Variants in POU2F3 observed in about 807,000 individuals in gnomAD.
The protein encoded by POU2F3 is POU class 2 homeobox 3, also known as POU domain, class 2, transcription factor 3.
POU2F3 carries 23 observed loss-of-function variants against 59.2 expected under a neutral mutation model. The observed-to-expected ratio is 0.39, with a 90% CI of 0.28 to 0.55. The LOEUF (loss-of-function observed/expected upper bound fraction) is 0.55. Among genes scored for constraint, POU2F3 ranks in the 20% least tolerant of loss-of-function variants. POU2F3 has a pLI of 0.66. For missense variants in POU2F3, 473 were observed against 544.5 expected, an observed-to-expected ratio of 0.87 and a Z score of 1.31; for synonymous variants, 190 against 214.6, an observed-to-expected ratio of 0.89 and a Z score of 1.00.
chr11:120,239,679 T>C (rs1938585030), upstream of POU2F3, among the ~76,000 whole-genome samples: 1 of 152,212 alleles, frequency 6.6e-6, no homozygotes, highest in Non-Finnish European at 1.5e-5. Context: ...TGTCCTGTTT[T>C]ACAGGTGAGT....
chr11:120,250,471 C>T (rs566446415), intron 2 of POU2F3: 1 of 152,340 alleles, frequency 6.6e-6, no homozygotes, highest in East Asian at 1.9e-4. Flanking sequence ...TTGGCCTTTA[C>T]AACAACTCTA....
intron 3 of POU2F3, among the ~76,000 whole-genome samples, chr11:120,297,901 G>A (rs117482343): frequency 0.021 from 3,225 of 151,006 alleles, 70 homozygotes; most frequent in Non-Finnish European, 0.029. Flanking sequence ...CTCCCAAGTA[G>A]CTGGGACTAT....
chr11:120,246,413 G>C (rs374876725), intron 1 of POU2F3, 36 bp from the exon 2 acceptor site: 35 of 1,607,896 alleles, frequency 2.2e-5, no homozygotes, highest in Non-Finnish European at 2.6e-5. Context: ...GAAAAATTGT[G>C]ACCTGTTATT....
At chr11:120,263,021 T>C (rs1939669981) in intron 2 of POU2F3, among the ~76,000 whole-genome samples, 1 of 151,824 alleles carries the variant, frequency 6.6e-6, no homozygotes, top group South Asian at 2.1e-4. Flanking sequence ...AGATGGAGTC[T>C]CACTCTGTTG....
At chr11:120,275,477 C>T (rs750259153) in intron 3 of POU2F3, among the ~76,000 whole-genome samples, 2 of 152,132 alleles carry the variant, frequency 1.3e-5, no homozygotes, top group Non-Finnish European at 2.9e-5. Context: ...TTGGGGGTTC[C>T]AAAATGACAA....
At chr11:120,266,119 C>A (rs1939818152) in intron 2 of POU2F3, among the ~76,000 whole-genome samples, 1 of 152,184 alleles carries the variant, frequency 6.6e-6, no homozygotes, top group South Asian at 2.1e-4. Flanking sequence ...TCAAACCTTG[C>A]ATGTCGAAAG....
intron 3 of POU2F3, among the ~76,000 whole-genome samples, chr11:120,274,915 G>T (rs904981107): frequency 1.3e-5 from 2 of 152,214 alleles, no homozygotes; most frequent in Non-Finnish European, 2.9e-5. Flanking sequence ...GTTCATGAAG[G>T]TGGGGAAAAC....
chr11:120,256,378 T>A (rs1036037992), intron 2 of POU2F3: 1 of 152,208 alleles, frequency 6.6e-6, no homozygotes, highest in Non-Finnish European at 1.5e-5. Context: ...CAGATGATAA[T>A]GCTATTTGCT....
intron 2 of POU2F3, chr11:120,250,359 C>T (rs1054294332): frequency 6.6e-6 from 1 of 152,212 alleles, no homozygotes; most frequent in Non-Finnish European, 1.5e-5. Flanking sequence ...TGAAGAGCAT[C>T]CCTGTCCTCA....
At chr11:120,277,199 G>A (rs1350786063) in intron 3 of POU2F3, among the ~76,000 whole-genome samples, 1 of 152,050 alleles carries the variant, frequency 6.6e-6, no homozygotes, top group Non-Finnish European at 1.5e-5. Context: ...GCTGAGGCAG[G>A]AAAATCACTT....
chr11:120,313,674 G>A (rs1941711543), intron 10 of POU2F3, among the ~76,000 whole-genome samples: 1 of 152,160 alleles, frequency 6.6e-6, no homozygotes. Context: ...GTCTCCAGAA[G>A]GAAACAAGCT....
intron 2 of POU2F3, among the ~76,000 whole-genome samples, chr11:120,262,971 AT>A (rs1939664570): frequency 1.9e-5 from 2 of 102,780 alleles, no homozygotes; most frequent in East Asian, 0.036. Flanking sequence ...TAATTTATTT[AT>A]TTATTTATTT....
At chr11:120,280,440 C>A (rs1470147727) in intron 3 of POU2F3, among the ~76,000 whole-genome samples, 1 of 152,134 alleles carries the variant, frequency 6.6e-6, no homozygotes, top group Non-Finnish European at 1.5e-5. Context: ...CTTGAGATTA[C>A]CTAATTAATC....
intron 3 of POU2F3, among the ~76,000 whole-genome samples, chr11:120,274,159 A>AAG (rs1940224515): frequency 9.9e-6 from 1 of 100,888 alleles, no homozygotes; most frequent in South Asian, 3.2e-4. Context: ...AAGGAAGGAA[A>AAG]TGCACACAAA....
At chr11:120,306,925 T>C (rs1346167762) in intron 8 of POU2F3, among the ~76,000 whole-genome samples, 1 of 152,224 alleles carries the variant, frequency 6.6e-6, no homozygotes, top group Non-Finnish European at 1.5e-5. Context: ...ATCAGATGCC[T>C]GAATCCTTCC....
intron 5 of POU2F3, 62 bp downstream of exon 5, chr11:120,299,788 T>C: frequency 6.8e-7 from 1 of 1,463,714 alleles, no homozygotes; most frequent in Non-Finnish European, 9.3e-7. Flanking sequence ...TTGCTGCTGT[T>C]TTTTGCTGGG....
intron 2 of POU2F3, among the ~76,000 whole-genome samples, chr11:120,250,638 A>T (rs916682223): frequency 2.6e-5 from 4 of 152,204 alleles, no homozygotes; most frequent in Non-Finnish European, 5.9e-5. Context: ...TGGTGGTAGG[A>T]AGACTGGGAG....
At chr11:120,256,286 A>G (rs1591381227) in intron 2 of POU2F3, 2 of 152,202 alleles carry the variant, frequency 1.3e-5, no homozygotes, top group East Asian at 1.9e-4. Flanking sequence ...ATAAAACAGG[A>G]TTAATGATAG....
chr11:120,236,882 G>A (rs975849444), upstream of POU2F3, among the ~76,000 whole-genome samples: 4 of 152,206 alleles, frequency 2.6e-5, no homozygotes, highest in Admixed American at 2.0e-4. Context: ...GAGAAGCAGG[G>A]AAGAGTAGAA....
Sources: allele counts gnomAD v4.1 joint callset (sites outside exome capture counted in the v4.1 genomes callset), GRCh38; gene constraint gnomAD v4.1.1; transcripts MANE v1.5; gene names NCBI Gene and HGNC (gene_info 2026-07-23, HGNC 2026-07-21).